UNC5C: variants seen among roughly 807,000 people sequenced by gnomAD.
The protein encoded by UNC5C is unc-5 netrin receptor C.
Under a neutral mutation model 99.8 loss-of-function variants are expected in UNC5C, and 47 were observed. The observed-to-expected ratio is 0.47, with a 90% CI of 0.37 to 0.60. UNC5C has a LOEUF of 0.60. Ranked by LOEUF, UNC5C falls within the 20% of genes least tolerant of loss-of-function variation. The pLI is 0.00. For missense variants in UNC5C, 1,062 were observed against 1,165.9 expected (o/e 0.91, Z 1.30); for synonymous variants, 487 against 452.2 (o/e 1.08, Z -0.98).
rs1738586073 is a variant in UNC5C, at chr4:95,224,220, T to C, written c.1109-4044A>G. 3.9e-5 allele frequency among the ~76,000 whole-genome samples: 6 copies of C among 152,252 alleles called. No individual in the cohort carries two copies. In the South Asian group the frequency reaches 1.2e-3, roughly 32 times the overall value. On this transcript the variant is annotated intron_variant, in intron 7 of 15. Coordinates refer to ENST00000453304, the MANE Select transcript of UNC5C (RefSeq NM_003728.4). ...ATCACTTGAGACTGGGAGGCGGAGA[T>C]TGCAGTGAGCAGAGATTGCGCCACT... is the stretch of plus-strand genomic sequence containing the variant.
At chr4:95,487,028 G>A (rs1721345339) in intron 1 of UNC5C, among the ~76,000 whole-genome samples, 1 of 151,636 alleles carries the variant, frequency 6.6e-6, no homozygotes, top group Admixed American at 6.6e-5. Context: ...CTTTTCCCAT[G>A]GAATGATGCA....
At chr4:95,308,865 G>C (rs925887224) in intron 2 of UNC5C, among the ~76,000 whole-genome samples, 9 of 150,774 alleles carry the variant, frequency 6.0e-5, no homozygotes, top group Non-Finnish European at 1.3e-4. Context: ...TACCCAAAGT[G>C]GTCTACAAAT....
chr4:95,458,730 T>C (rs972908069), intron 1 of UNC5C, among the ~76,000 whole-genome samples: 2 of 152,052 alleles, frequency 1.3e-5, no homozygotes, highest in African/African-American at 4.8e-5. Context: ...ATAATAATTA[T>C]ATTGTAATTG....
intron 3 of UNC5C, among the ~76,000 whole-genome samples, chr4:95,293,436 A>G (rs1442868701): frequency 1.3e-5 from 2 of 150,640 alleles, no homozygotes; most frequent in Non-Finnish European, 2.9e-5. Context: ...CTGGGCTGAC[A>G]GTAGTATCCC....
At chr4:95,502,117 A>G (rs1375463041) in intron 1 of UNC5C, among the ~76,000 whole-genome samples, 1 of 152,158 alleles carries the variant, frequency 6.6e-6, no homozygotes, top group Non-Finnish European at 1.5e-5. Flanking sequence ...TAGTTTTGAC[A>G]AAAGTAAAGG....
intron 14 of UNC5C, 93 bp from the exon 15 acceptor site, chr4:95,170,425 A>C (rs184947960): frequency 1.7e-5 from 24 of 1,401,682 alleles, no homozygotes; most frequent in Non-Finnish European, 2.3e-5. Context: ...GCTTTGAGTG[A>C]TAAGAAAAGA....
chr4:95,421,619 TACACACACAC>T, intron 1 of UNC5C, among the ~76,000 whole-genome samples: 1 of 149,650 alleles, frequency 6.7e-6, no homozygotes, highest in East Asian at 2.0e-4. Flanking sequence ...CACTCTCTTT[TACACACACAC>T]ACACACACAC....
At chr4:95,473,804 T>C (rs957868441) in intron 1 of UNC5C, among the ~76,000 whole-genome samples, 3 of 152,062 alleles carry the variant, frequency 2.0e-5, no homozygotes, top group African/African-American at 4.8e-5. Context: ...AGAGGGGAGA[T>C]GGTAGCTATA....
chr4:95,171,915 T>C lies in UNC5C; in HGVS notation c.2452-1583A>G, dbSNP rs540573446. ...TCTAGCACCTGTCGTTTCCTGACTT[T>C]TTAATGATTGCCATTCTAACTGGTG... On this transcript the variant is annotated intron_variant, in intron 14 of 15. Transcript: ENST00000453304. Among the ~76,000 whole-genome samples the C allele has an allele frequency of 5.6e-3, 846 of 152,018 alleles. 7 individuals are homozygous for C. Among genetic ancestry groups the C allele is most frequent in the Middle Eastern group, 6.8e-3 (2 of 294 alleles).
Position 95,461,352 on chromosome 4 carries a change from AAAAAAAGAAG to A in UNC5C, c.124+87372_124+87381del, listed in dbSNP as rs1578176221. ...GAATAGATGACAAAGGAGAGAAATCAAAAAAAGAAGATGTTATGCTCTGTTACTAAAATAC... is the reference window on the plus strand; with the variant it reads ...GAATAGATGACAAAGGAGAGAAATCAATGTTATGCTCTGTTACTAAAATAC... On this transcript the variant is annotated intron_variant, in intron 1 of 15. Coordinates refer to ENST00000453304, the MANE Select transcript of UNC5C (RefSeq NM_003728.4). Among the ~76,000 whole-genome samples the A allele has an allele frequency of 3.1e-5, 3 of 97,662 alleles. 1 individual carries two copies. The highest frequency in any genetic ancestry group is 5.1e-5 in the African/African-American group (1 of 19,782). The allele number at this position is 97,662 out of a possible 152,430, so 64.1% of individuals were successfully genotyped here.
At chr4:95,332,025 A>G (rs562991741) in intron 2 of UNC5C, among the ~76,000 whole-genome samples, 1 of 152,210 alleles carries the variant, frequency 6.6e-6, no homozygotes, top group Non-Finnish European at 1.5e-5. Flanking sequence ...GACGTGAAGG[A>G]CCTCTTCAAG....
intron 14 of UNC5C, among the ~76,000 whole-genome samples, chr4:95,177,434 C>T (rs1430018405): frequency 6.6e-6 from 1 of 152,172 alleles, no homozygotes; most frequent in Non-Finnish European, 1.5e-5. Flanking sequence ...CCCTGCACCG[C>T]TTCAGTGGCC....
chr4:95,209,523 G>GTCTT, intron 10 of UNC5C, among the ~76,000 whole-genome samples: 1 of 152,156 alleles, frequency 6.6e-6, no homozygotes, highest in Admixed American at 6.5e-5. Context: ...CCTACTTTTA[G>GTCTT]TCTTTTAATA....
chr4:95,369,637 A>G (rs534664078), intron 1 of UNC5C, among the ~76,000 whole-genome samples: 24 of 152,312 alleles, frequency 1.6e-4, no homozygotes, highest in Admixed American at 2.6e-4. Context: ...GCAGTTTTCA[A>G]TTTAAATTAA....
chr4:95,234,315 G>GT (rs1210286335), intron 7 of UNC5C, among the ~76,000 whole-genome samples: 1 of 151,430 alleles, frequency 6.6e-6, no homozygotes, highest in Non-Finnish European at 1.5e-5. Flanking sequence ...TTAATGTTAA[G>GT]TTTTTTTAGA....
At chr4:95,302,977 T>A (rs1741930677) in intron 2 of UNC5C, among the ~76,000 whole-genome samples, 1 of 152,090 alleles carries the variant, frequency 6.6e-6, no homozygotes, top group Non-Finnish European at 1.5e-5. Context: ...GAACCCAATC[T>A]AGTGTGAAGG....
chr4:95,172,296 A>G (rs1315402485), intron 14 of UNC5C, among the ~76,000 whole-genome samples: 1 of 151,500 alleles, frequency 6.6e-6, no homozygotes. Flanking sequence ...TTGGTGTTTT[A>G]GACATGAAGT....
intron 10 of UNC5C, among the ~76,000 whole-genome samples, chr4:95,215,533 C>G (rs558786717): frequency 6.6e-6 from 1 of 152,290 alleles, no homozygotes; most frequent in African/African-American, 2.4e-5. Flanking sequence ...GATTATGAAA[C>G]ATTCTAAACA....
At chr4:95,289,968 C>A (rs1382385491) in intron 3 of UNC5C, among the ~76,000 whole-genome samples, 9 of 152,056 alleles carry the variant, frequency 5.9e-5, no homozygotes, top group African/African-American at 2.2e-4. Context: ...TTATGCTAAG[C>A]AACTCTTATT....
Sources: gnomAD v4.1 joint callset for allele counts (sites outside exome capture counted in the v4.1 genomes callset) on GRCh38, gnomAD v4.1.1 for gene constraint, MANE v1.5 for transcripts, NCBI Gene and HGNC (gene_info 2026-07-23, HGNC 2026-07-21) for gene names.